MAPKAPK5: variants seen among roughly 807,000 people sequenced by gnomAD.
MAPKAPK5 encodes MAP kinase-activated protein kinase 5.
A neutral mutation model predicts 65.1 loss-of-function variants in MAPKAPK5; 30 were observed. The observed-to-expected ratio is 0.46, with a 90% confidence interval of 0.34 to 0.63. The LOEUF (loss-of-function observed/expected upper bound fraction) is 0.63, where lower values mean the gene tolerates loss of function less well. Ranked by LOEUF, MAPKAPK5 falls within the 20% of genes least tolerant of loss-of-function variation. The pLI, the probability that MAPKAPK5 is intolerant of heterozygous loss-of-function variation, is 0.01. For missense variants in MAPKAPK5, 433 were observed against 581.4 expected, an observed-to-expected ratio of 0.74 and a Z score of 2.63; for synonymous variants, 179 against 204.6, an observed-to-expected ratio of 0.87 and a Z score of 1.07.
chr12:111,843,981 T>G (rs2068824816), intron 1 of MAPKAPK5, among the ~76,000 whole-genome samples: 1 of 151,330 alleles, frequency 6.6e-6, no homozygotes, highest in Non-Finnish European at 1.5e-5. Flanking sequence ...GCCCTGCTAA[T>G]TTTTTCTTTT....
rs771393529 is a variant in MAPKAPK5 at position 111,883,344 on chromosome 12, C to T, written c.661-237C>T. 1.3e-5 allele frequency among the ~76,000 whole-genome samples: 2 copies of T among 151,956 alleles called. No individual in the cohort carries two copies. Among genetic ancestry groups the T allele is most frequent in the South Asian group, 2.1e-4 (1 of 4,820 alleles). On this transcript the variant is annotated intron_variant, in intron 8 of 13. Transcript: ENST00000550735. This position sits in a 1 kb window ranked among gnomAD's most constrained non-coding sequence, Gnocchi z 4.8. ...GCAGTGAGCTGAGATTACGCCACTG[C>T]ACTCCAGCCTGGGCAACAGAGCAAG... is the stretch of plus-strand genomic sequence containing the variant.
chr12:111,884,927 G>A (rs2070356640), intron 9 of MAPKAPK5, among the ~76,000 whole-genome samples: 1 of 152,202 alleles, frequency 6.6e-6, no homozygotes. Context: ...AAGAGGGACT[G>A]TTTTCTAAAA....
chr12:111,852,597 A>G (rs2136076086), intron 1 of MAPKAPK5, among the ~76,000 whole-genome samples: 1 of 152,274 alleles, frequency 6.6e-6, no homozygotes, highest in African/African-American at 2.4e-5. Flanking sequence ...AGTTATGTGC[A>G]GATTTTTGAC....
At position 111,899,567 on chromosome 12, in the gene MAPKAPK5, A is replaced by G. The variant is rs374360550; in HGVS notation, c.*6506A>G. On this transcript the variant is annotated 3_prime_UTR_variant, in exon 14 of 14. Transcript: ENST00000550735. ...CAGTGGAAGGACTGTCCTACTTGTTACTTATGCAAGGCCAGAAGCACCTGG... is the reference window on the plus strand; with the variant it reads ...CAGTGGAAGGACTGTCCTACTTGTTGCTTATGCAAGGCCAGAAGCACCTGG... 8 of 234,554 alleles carry G rather than the reference A, an allele frequency of 3.4e-5. No individual in the cohort carries two copies. The highest frequency in any genetic ancestry group is 1.8e-4 in the African/African-American group (8 of 44,702). 14.5% of individuals were successfully genotyped at this position (234,554 alleles called of 1,614,324 possible).
At position 111,876,368 on chromosome 12, in the gene MAPKAPK5, T is replaced by A. The variant is rs1020854463; in HGVS notation, c.580-4079T>A. The stretch of plus-strand genomic sequence containing the variant: ...TTATGCTTATATAAAACCTGGGTGA[T>A]GAAATAATCTGTATACCAAACCCCT... On this transcript the variant is annotated intron_variant, in intron 7 of 13. Coordinates refer to ENST00000550735, the MANE Select transcript of MAPKAPK5 (RefSeq NM_003668.4). Among the ~76,000 whole-genome samples the A allele has an allele frequency of 2.6e-5, 4 of 152,110 alleles. No homozygotes were observed. In the South Asian group the frequency reaches 8.3e-4, roughly 32 times the overall value.
chr12:111,854,932 C>A (rs2069187524), intron 1 of MAPKAPK5, among the ~76,000 whole-genome samples: 1 of 149,808 alleles, frequency 6.7e-6, no homozygotes, highest in Non-Finnish European at 1.5e-5. Context: ...TGGGAAGATA[C>A]TCAGTTATTA....
At chr12:111,890,172 C>T in intron 13 of MAPKAPK5, 28 bp downstream of exon 13, 2 of 1,433,490 alleles carry the variant, frequency 1.4e-6, no homozygotes, top group Non-Finnish European at 1.9e-6. Flanking sequence ...CTCCCTTCCC[C>T]AGGAATGCAG....
chr12:111,845,012 A>T (rs1184828174), intron 1 of MAPKAPK5, among the ~76,000 whole-genome samples: 2 of 152,228 alleles, frequency 1.3e-5, no homozygotes, highest in Non-Finnish European at 2.9e-5. Flanking sequence ...GGGGAACTAT[A>T]GGAGAGTTTT....
rs761306955 is a variant in MAPKAPK5, at chr12:111,890,046, A to G, written c.1223A>G (p.Asn408Ser). 10 of 1,585,058 alleles carry G rather than the reference A, an allele frequency of 6.3e-6. No individual in the cohort carries two copies. The Admixed American group carries it at 1.6e-4, about 26-fold the overall frequency. The change falls in exon 13 of 14, where the codon AAT (asparagine) becomes AGT (serine). Residue 408 changes from asparagine to serine, a missense_variant. Asn to Ser is a conservative substitution (Grantham distance 46). Coordinates refer to ENST00000550735, the MANE Select transcript of MAPKAPK5 (RefSeq NM_003668.4). ...TCTTCATCCTTACCAATAGGAGAGA[A>G]TGAAGATGAGAAACTGAATGAAGTA... is the stretch of plus-strand genomic sequence containing the variant. The part of the protein sequence containing the change: ...AQCILPQAGE[N>S]EDEKLNEVMQ...
At chr12:111,851,799 GA>G (rs2136074513) in intron 1 of MAPKAPK5, among the ~76,000 whole-genome samples, 1 of 152,348 alleles carries the variant, frequency 6.6e-6, no homozygotes, top group South Asian at 2.1e-4. Flanking sequence ...TCCTGGTGGA[GA>G]AAACTCTGTC....
chr12:111,876,086 A>G (rs1312084999), intron 7 of MAPKAPK5, among the ~76,000 whole-genome samples: 2 of 151,872 alleles, frequency 1.3e-5, no homozygotes, highest in East Asian at 3.9e-4. Context: ...AGCCACCTGT[A>G]ATCCCAGCTT....
intron 7 of MAPKAPK5, among the ~76,000 whole-genome samples, chr12:111,875,527 T>C (rs142803731): frequency 1.3e-5 from 2 of 152,240 alleles, no homozygotes; most frequent in East Asian, 3.9e-4. Context: ...CAGTTACTGC[T>C]TGGTCCCTGC....
At chr12:111,892,841 G>A in intron 13 of MAPKAPK5, 126 bp from the exon 14 acceptor site, 1 of 564,196 alleles carries the variant, frequency 1.8e-6, no homozygotes, top group Non-Finnish European at 3.1e-6. Flanking sequence ...ATCAGTGGTG[G>A]GGGTGGTTCC....
At chr12:111,888,804 C>T (rs1419588832) in intron 11 of MAPKAPK5, 81 bp from the exon 12 acceptor site, 3 of 1,553,468 alleles carry the variant, frequency 1.9e-6, no homozygotes, top group Non-Finnish European at 2.6e-6. Context: ...CATCTGTTGC[C>T]TTATGTTTAG....
At chr12:111,853,328 C>CG (rs1470125986) in intron 1 of MAPKAPK5, among the ~76,000 whole-genome samples, 2 of 151,538 alleles carry the variant, frequency 1.3e-5, no homozygotes, top group East Asian at 3.9e-4. Flanking sequence ...GCCAAGATGG[C>CG]GCCACTGCAC....
At position 111,870,463 on chromosome 12, in the gene MAPKAPK5, C is replaced by T. The variant is rs960020548; in HGVS notation, c.483+103C>T. 4.3e-5 allele frequency: 37 copies of T among 854,868 alleles called. No homozygotes were observed. In the Admixed American group the frequency reaches 8.5e-4, roughly 20 times the overall value. 53.0% of individuals were successfully genotyped at this position (854,868 alleles called of 1,614,324 possible). A position where few individuals can be genotyped will look rare whatever the true frequency, so the allele number is the denominator to read the frequency against. ...GAATTCATGGTGAAAAAGCTTTAAG[C>T]CAAAGTGCTTCAAACAGCTTATTTC... On this transcript the variant is annotated intron_variant, in intron 6 of 13. Coordinates refer to ENST00000550735, the MANE Select transcript of MAPKAPK5 (RefSeq NM_003668.4).
At chr12:111,856,526 C>T (rs754187542) in intron 1 of MAPKAPK5, among the ~76,000 whole-genome samples, 6 of 151,780 alleles carry the variant, frequency 4.0e-5, no homozygotes, top group Non-Finnish European at 8.8e-5. Context: ...CCCATCCCAG[C>T]GTCCTGAGTA....
intron 1 of MAPKAPK5, among the ~76,000 whole-genome samples, chr12:111,857,010 A>C (rs1222929276): frequency 6.6e-6 from 1 of 152,122 alleles, no homozygotes; most frequent in Non-Finnish European, 1.5e-5. Flanking sequence ...TCTTTAATTT[A>C]TCACAGTCCA....
intron 1 of MAPKAPK5, among the ~76,000 whole-genome samples, chr12:111,858,487 T>C (rs2069319874): frequency 6.6e-6 from 1 of 152,090 alleles, no homozygotes. Flanking sequence ...TTTCTTTCTA[T>C]GTATTTTCAT....
Sources: gnomAD v4.1 joint callset for allele counts (sites outside exome capture counted in the v4.1 genomes callset) on GRCh38, gnomAD v4.1.1 for gene constraint, Gnocchi (gnomAD v3.1) non-coding constraint, MANE v1.5 for transcripts, NCBI Gene and HGNC (gene_info 2026-07-23, HGNC 2026-07-21) for gene names.